ZNF264: variants seen among roughly 807,000 people sequenced by gnomAD.
The protein encoded by ZNF264 is zinc finger protein 264.
Under a neutral mutation model 11.2 loss-of-function variants are expected in ZNF264, and 11 were observed. The ratio of observed to expected loss-of-function variants is 0.98; its 90% CI spans 0.62 to 1.63. ZNF264 has a LOEUF of 1.63. Among genes scored for constraint, ZNF264 ranks in the 40% most tolerant of loss-of-function variants. The pLI is 0.00. For missense variants in ZNF264, 752 were observed against 768.1 expected (o/e 0.98, Z 0.25); for synonymous variants, 309 against 279.8 (o/e 1.10, Z -1.04).
At chr19:57,200,956 G>A (rs2087248835) in intron 2 of ZNF264, among the ~76,000 whole-genome samples, 1 of 151,744 alleles carries the variant, frequency 6.6e-6, no homozygotes, top group South Asian at 2.1e-4. Context: ...TGTTATATAT[G>A]TGCTATATAT....
chr19:57,204,518 G>A (rs780745591), intron 2 of ZNF264, among the ~76,000 whole-genome samples: 3 of 152,160 alleles, frequency 2.0e-5, no homozygotes, highest in Non-Finnish European at 2.9e-5. Flanking sequence ...GTTCCCCTAC[G>A]CATGCCCTCT....
chr19:57,195,961 T>TA lies in ZNF264; in HGVS notation c.160+1960_160+1961insA, dbSNP rs2087208862. Among the ~76,000 whole-genome samples, 15 of 151,926 alleles carry TA rather than the reference T, an allele frequency of 9.9e-5. No homozygotes were observed. The South Asian group carries it at 2.9e-3, about 29-fold the overall frequency. The stretch of plus-strand genomic sequence containing the variant: ...GATGTTGAGTGGTGCCATTTGCACT[T>TA]CCACCCCTTGATTCCTGGACCCATG... On this transcript the variant is annotated intron_variant, in intron 2 of 3. Coordinates refer to ENST00000263095, the MANE Select transcript of ZNF264 (RefSeq NM_003417.5).
intron 2 of ZNF264, among the ~76,000 whole-genome samples, chr19:57,197,327 A>G (rs1275341051): frequency 6.6e-6 from 1 of 151,906 alleles, no homozygotes; most frequent in African/African-American, 2.4e-5. Context: ...AGTTCATGGT[A>G]GGCAGTTCAG....
chr19:57,192,181 C>T (rs1053967155), intron 1 of ZNF264, among the ~76,000 whole-genome samples: 5 of 152,110 alleles, frequency 3.3e-5, no homozygotes, highest in African/African-American at 9.7e-5. Flanking sequence ...TCCCATCATC[C>T]TTGGCCTGCA....
rs1019941579 is a variant in ZNF264 at position 57,217,103 on chromosome 19, A to T, written c.*4122A>T. 1 of 152,154 alleles carries T rather than the reference A, an allele frequency of 6.6e-6. No individual in the cohort carries two copies. The highest frequency in any genetic ancestry group is 6.5e-5 in the Admixed American group (1 of 15,278). The allele number at this position is 152,154 out of a possible 1,614,324, so 9.4% of individuals were successfully genotyped here. ...TCATCTAACACAAGGCCTACTTTAT[A>T]ATAAAGTTACTGCAAAGAATTTTAA... On this transcript the variant is annotated 3_prime_UTR_variant, in exon 4 of 4. Coordinates refer to ENST00000263095, the MANE Select transcript of ZNF264 (RefSeq NM_003417.5).
chr19:57,192,095 C>T, intron 1 of ZNF264, 149 bp downstream of exon 1: 2 of 804,532 alleles, frequency 2.5e-6, no homozygotes, highest in Middle Eastern at 2.5e-4. Context: ...TTAATTTATA[C>T]CTGGCCGTAA....
Position 57,217,015 on chromosome 19 carries a change from A to C in ZNF264, c.*4034A>C, listed in dbSNP as rs574065645. The stretch of plus-strand genomic sequence containing the variant: ...ATTTAATACACCTACCCTGCTGAAC[A>C]TCATAGCCGATCTTGCCTTCAGAAT... On this transcript the variant is annotated 3_prime_UTR_variant, in exon 4 of 4. Transcript: ENST00000263095. 6.6e-6 allele frequency: 1 copy of C among 152,334 alleles called. No individual in the cohort carries two copies. Among genetic ancestry groups the C allele is most frequent in the Non-Finnish European group, 1.5e-5 (1 of 68,032 alleles). 9.4% of individuals were successfully genotyped at this position (152,334 alleles called of 1,614,324 possible).
chr19:57,205,539 C>A lies in ZNF264; in HGVS notation c.256+47C>A, dbSNP rs1462665713. ...GGTTGGAGTCCCTTCTGGCTTAAGA[C>A]TGGATGGAGACCACTGGCCCTGGAA... is the stretch of plus-strand genomic sequence containing the variant. On this transcript the variant is annotated intron_variant, in intron 3 of 3. Transcript: ENST00000263095. 9 of 1,529,074 alleles carry A rather than the reference C, an allele frequency of 5.9e-6. No homozygotes were observed. The African/African-American group carries it at 1.2e-4, about 21-fold the overall frequency. 94.7% of individuals were successfully genotyped at this position (1,529,074 alleles called of 1,614,324 possible).
At position 57,213,170 on chromosome 19, in the gene ZNF264, T is replaced by C; in HGVS notation, c.*189T>C. 1 of 513,116 alleles carries C rather than the reference T, an allele frequency of 1.9e-6. No individual in the cohort carries two copies. The highest frequency in any genetic ancestry group is 3.3e-6 in the Non-Finnish European group (1 of 305,920). The allele number at this position is 513,116 out of a possible 1,614,324, so 31.8% of individuals were successfully genotyped here. On this transcript the variant is annotated 3_prime_UTR_variant, in exon 4 of 4. Coordinates refer to ENST00000263095, the MANE Select transcript of ZNF264 (RefSeq NM_003417.5). Reference sequence around the variant, plus strand: ...CAGTGCAATTTTATCTCAGGAATTATTTTTAAAAGGAGGAGGGGACATAGA... The same window carrying C: ...CAGTGCAATTTTATCTCAGGAATTACTTTTAAAAGGAGGAGGGGACATAGA...
At chr19:57,204,769 A>G (rs1185814096) in intron 2 of ZNF264, among the ~76,000 whole-genome samples, 1 of 152,146 alleles carries the variant, frequency 6.6e-6, no homozygotes, top group Non-Finnish European at 1.5e-5. Context: ...TGCCATCAGT[A>G]CTGTTATTGT....
intron 2 of ZNF264, among the ~76,000 whole-genome samples, chr19:57,201,955 T>C (rs2087256454): frequency 6.6e-6 from 1 of 151,790 alleles, no homozygotes; most frequent in Non-Finnish European, 1.5e-5. Flanking sequence ...CTCATGCCTG[T>C]AGTCCCAGCA....
intron 2 of ZNF264, among the ~76,000 whole-genome samples, chr19:57,194,509 C>G (rs986706826): frequency 6.6e-6 from 1 of 152,204 alleles, no homozygotes; most frequent in Non-Finnish European, 1.5e-5. Flanking sequence ...CCACAGTAGG[C>G]TGTCTGCAAG....
Position 57,218,247 on chromosome 19 carries a change from G to C in ZNF264, c.*5266G>C, listed in dbSNP as rs2087394150. 6.6e-6 allele frequency: 1 copy of C among 152,100 alleles called. No homozygotes were observed. The highest frequency in any genetic ancestry group is 1.5e-5 in the Non-Finnish European group (1 of 68,016). The allele number at this position is 152,100 out of a possible 1,614,324, so 9.4% of individuals were successfully genotyped here. ...ATATTTTTGTGGAATATAAGATTCA[G>C]AGTTGGCAGTTGTTTTCTTTTAGAC... On this transcript the variant is annotated 3_prime_UTR_variant, in exon 4 of 4. Transcript: ENST00000263095.
intron 1 of ZNF264, among the ~76,000 whole-genome samples, 187 bp downstream of exon 1, chr19:57,192,133 C>A (rs1489963602): frequency 1.3e-5 from 2 of 152,038 alleles, no homozygotes; most frequent in African/African-American, 4.8e-5. Context: ...GGAAGGAGCT[C>A]CGTAGGTTGT....
chr19:57,197,771 T>A lies in ZNF264; in HGVS notation c.160+3770T>A, dbSNP rs117133454. ...GGAGGGACCAAATGCAGCAACTTAC[T>A]CTTCACCTTAGAAGGCATATCTTGA... On this transcript the variant is annotated intron_variant, in intron 2 of 3. Transcript: ENST00000263095. Among the ~76,000 whole-genome samples the A allele has an allele frequency of 1.4e-3, 206 of 152,022 alleles. 5 individuals carry two copies. The East Asian group carries it at 0.036, about 26-fold the overall frequency.
At position 57,211,969 on chromosome 19, in the gene ZNF264, A is replaced by T; in HGVS notation, c.872A>T (p.Glu291Val). The T allele has an allele frequency of 6.2e-7, 1 of 1,614,120 alleles. No individual in the cohort carries two copies. The highest frequency in any genetic ancestry group is 8.5e-7 in the Non-Finnish European group (1 of 1,180,036). ...GGAGAGAAGCCTTACAAGTGCAATG[A>T]ATGCGGAAAGGCCTTCACCCACCGC... ...HSGEKPYKCNECGKAFTHRSN... is the reference protein window; with the variant it reads ...HSGEKPYKCNVCGKAFTHRSN... The change falls in exon 4 of 4, where the codon GAA becomes GTA. Residue 291 changes from glutamate to valine, a missense_variant. Glu to Val is a moderately radical substitution (Grantham distance 121). Coordinates refer to ENST00000263095, the MANE Select transcript of ZNF264 (RefSeq NM_003417.5).
Position 57,218,160 on chromosome 19 carries a change from A to G in ZNF264, c.*5179A>G, listed in dbSNP as rs1049563365. 4 of 152,202 alleles carry G rather than the reference A, an allele frequency of 2.6e-5. No individual in the cohort carries two copies. The highest frequency in any genetic ancestry group is 4.4e-5 in the Non-Finnish European group (3 of 68,024). 9.4% of individuals were successfully genotyped at this position (152,202 alleles called of 1,614,324 possible). On this transcript the variant is annotated 3_prime_UTR_variant, in exon 4 of 4. Coordinates refer to ENST00000263095, the MANE Select transcript of ZNF264 (RefSeq NM_003417.5). ...TTTACTGTAGCCTTTCTTCTAGAGT[A>G]ACAAATGTTCTTTGTTTTCCTTCCT...
Position 57,217,533 on chromosome 19 carries a change from C to T in ZNF264, c.*4552C>T, listed in dbSNP as rs2087388499. 1.3e-5 allele frequency: 2 copies of T among 151,592 alleles called. No individual in the cohort carries two copies. The highest frequency in any genetic ancestry group is 2.9e-5 in the Non-Finnish European group (2 of 67,954). 9.4% of individuals were successfully genotyped at this position (151,592 alleles called of 1,614,324 possible). ...CCCGGGTTCAAGCAATTAACTGCCT[C>T]AGCTTCCCTAGTAATGGATTACAGG... On this transcript the variant is annotated 3_prime_UTR_variant, in exon 4 of 4. Coordinates refer to ENST00000263095, the MANE Select transcript of ZNF264 (RefSeq NM_003417.5).
At chr19:57,208,443 C>T (rs978089207) in intron 3 of ZNF264, among the ~76,000 whole-genome samples, 8 of 152,144 alleles carry the variant, frequency 5.3e-5, no homozygotes, top group African/African-American at 1.9e-4. Context: ...ATTCAGGAGG[C>T]TGAGGTGGGA....
Sources: gnomAD v4.1 joint callset for allele counts (sites outside exome capture counted in the v4.1 genomes callset) on GRCh38, gnomAD v4.1.1 for gene constraint, MANE v1.5 for transcripts, NCBI Gene and HGNC (gene_info 2026-07-23, HGNC 2026-07-21) for gene names.